The following SUPT3H variants were observed in gnomAD, a reference collection of about 807,000 sequenced individuals.
SUPT3H encodes transcription initiation protein SPT3 homolog.
A neutral mutation model predicts 44.3 loss-of-function variants in SUPT3H; 44 were observed. The ratio of observed to expected loss-of-function variants is 0.99; its 90% CI spans 0.78 to 1.28. The LOEUF is 1.28. Among genes scored for constraint, SUPT3H ranks in the 50% most tolerant of loss-of-function variants. The pLI is 0.00. For synonymous variants in SUPT3H, 124 were observed against 125.6 expected, an observed-to-expected ratio of 0.99 and a Z score of 0.09; for missense variants, 380 against 387.1, an observed-to-expected ratio of 0.98 and a Z score of 0.15.
chr6:44,845,478 A>G (rs1278712320), intron 10 of SUPT3H, among the ~76,000 whole-genome samples: 1 of 152,198 alleles, frequency 6.6e-6, no homozygotes, highest in Non-Finnish European at 1.5e-5. Flanking sequence ...AGGGGCAAAG[A>G]AGTGCTGGGA....
intron 2 of SUPT3H, among the ~76,000 whole-genome samples, chr6:45,179,675 A>G (rs752996519): frequency 2.6e-5 from 4 of 152,230 alleles, no homozygotes; most frequent in Admixed American, 1.3e-4. Flanking sequence ...ACAAAATTCA[A>G]CAACGCTTCA....
At chr6:44,945,160 C>T (rs950673609) in intron 9 of SUPT3H, among the ~76,000 whole-genome samples, 7 of 151,988 alleles carry the variant, frequency 4.6e-5, no homozygotes, top group East Asian at 1.9e-4. Flanking sequence ...TGGGGCGCCA[C>T]GAACTGTATT....
At chr6:45,230,662 C>CTATATATATATA (rs66480751) in intron 2 of SUPT3H, among the ~76,000 whole-genome samples, 21 of 68,738 alleles carry the variant, frequency 3.1e-4, no homozygotes, top group African/African-American at 1.1e-3. Flanking sequence ...TTCATTCAGT[C>CTATATATATATA]TATATATATA....
intron 2 of SUPT3H, among the ~76,000 whole-genome samples, chr6:45,181,243 T>A (rs990442064): frequency 2.3e-5 from 3 of 132,694 alleles, no homozygotes; most frequent in African/African-American, 8.8e-5. Context: ...TGTGGAGAAA[T>A]AGGAACACTT....
chr6:45,068,169 T>A (rs1256289686), intron 3 of SUPT3H, among the ~76,000 whole-genome samples: 1 of 150,230 alleles, frequency 6.7e-6, no homozygotes, highest in Non-Finnish European at 1.5e-5. Flanking sequence ...TGTAGGGACA[T>A]GGATGAAATT....
At chr6:45,322,731 G>C in intron 2 of SUPT3H, 4 of 609,716 alleles carry the variant, frequency 6.6e-6, no homozygotes, top group Non-Finnish European at 5.9e-6. Flanking sequence ...TAAAAGAACT[G>C]TCAAGACATG....
At chr6:45,343,283 G>A (rs906171071) in intron 2 of SUPT3H, among the ~76,000 whole-genome samples, 7 of 152,230 alleles carry the variant, frequency 4.6e-5, no homozygotes, top group Middle Eastern at 3.4e-3. Flanking sequence ...GCCGAGGCGG[G>A]CAGACCAAGA....
chr6:45,238,250 G>A (rs142063034), intron 2 of SUPT3H, among the ~76,000 whole-genome samples: 2 of 152,114 alleles, frequency 1.3e-5, no homozygotes, highest in Non-Finnish European at 2.9e-5. Flanking sequence ...TTCTTGCACT[G>A]GTTTAATTAT....
chr6:45,113,295 A>G (rs1368122845), intron 2 of SUPT3H, among the ~76,000 whole-genome samples: 2 of 151,694 alleles, frequency 1.3e-5, no homozygotes, highest in Non-Finnish European at 1.5e-5. Context: ...TGTTTATGTC[A>G]TTCTTACCCA....
intron 2 of SUPT3H, among the ~76,000 whole-genome samples, chr6:45,220,035 T>C (rs1257177403): frequency 1.3e-5 from 1 of 78,458 alleles, no homozygotes; most frequent in African/African-American, 5.6e-5. Flanking sequence ...AGAGAGACTC[T>C]GTCTCAAAAA....
intron 2 of SUPT3H, among the ~76,000 whole-genome samples, chr6:45,263,509 T>C (rs1012172866): frequency 6.6e-6 from 1 of 152,016 alleles, no homozygotes; most frequent in Non-Finnish European, 1.5e-5. Flanking sequence ...TGGGTATGGG[T>C]TGAAAAACTA....
chr6:45,249,809 G>C (rs1320163477), intron 2 of SUPT3H, among the ~76,000 whole-genome samples: 2 of 152,048 alleles, frequency 1.3e-5, no homozygotes, highest in African/African-American at 2.4e-5. Flanking sequence ...ACATCTGTGG[G>C]GGGGTGGGGG....
intron 2 of SUPT3H, among the ~76,000 whole-genome samples, chr6:45,344,910 C>T (rs1259581036): frequency 2.0e-5 from 3 of 152,138 alleles, no homozygotes; most frequent in Non-Finnish European, 2.9e-5. Context: ...GGACTCTTTA[C>T]AAGCAGGATA....
intron 10 of SUPT3H, among the ~76,000 whole-genome samples, chr6:44,900,163 C>T (rs917493417): frequency 1.4e-4 from 21 of 152,160 alleles, no homozygotes; most frequent in Non-Finnish European, 2.4e-4. Flanking sequence ...TGGGGAATGT[C>T]GTAAAGTGGG....
rs750277342 is a variant in SUPT3H, at chr6:45,328,663, T to C, written c.101+36538A>G. The C allele has an allele frequency of 7.4e-6, 12 of 1,611,392 alleles. No individual in the cohort carries two copies. Among genetic ancestry groups the C allele is most frequent in the Middle Eastern group, 1.7e-4 (1 of 6,036 alleles). ...TTGGGTATGGTTTGTATTTTCAGTT[T>C]AAGGCTGCAAGCAGTATTTACAACA... is the stretch of plus-strand genomic sequence containing the variant. On this transcript the variant is annotated intron_variant, in intron 2 of 10. Transcript: ENST00000371459.
chr6:45,227,650 A>G (rs983637076), intron 2 of SUPT3H, among the ~76,000 whole-genome samples: 2 of 152,220 alleles, frequency 1.3e-5, no homozygotes, highest in Non-Finnish European at 2.9e-5. Context: ...TTGCATTCCT[A>G]GATCACAACT....
At chr6:45,324,445 C>T (rs1055910598) in intron 2 of SUPT3H, among the ~76,000 whole-genome samples, 7 of 151,676 alleles carry the variant, frequency 4.6e-5, no homozygotes, top group African/African-American at 1.7e-4. Flanking sequence ...CCAAATCTAC[C>T]GAGTATTCAT....
intron 10 of SUPT3H, among the ~76,000 whole-genome samples, chr6:44,911,693 C>T (rs1276886443): frequency 6.6e-6 from 1 of 152,154 alleles, no homozygotes; most frequent in African/African-American, 2.4e-5. Context: ...TAAGGAATGA[C>T]TATTACAGTT....
intron 3 of SUPT3H, among the ~76,000 whole-genome samples, chr6:45,041,683 C>T (rs1788554313): frequency 6.6e-6 from 1 of 152,130 alleles, no homozygotes; most frequent in Non-Finnish European, 1.5e-5. Context: ...TTTTTCTTAC[C>T]TTCCACCTTC....
Sources: gnomAD v4.1 joint callset for allele counts (sites outside exome capture counted in the v4.1 genomes callset) on GRCh38, gnomAD v4.1.1 for gene constraint, MANE v1.5 for transcripts, NCBI Gene and HGNC (gene_info 2026-07-23, HGNC 2026-07-21) for gene names.